SPON1: variants seen among roughly 807,000 people sequenced by gnomAD.
SPON1 encodes the protein spondin 1, also known as spondin-1.
A neutral mutation model predicts 111.7 loss-of-function variants in SPON1; 52 were observed. The observed-to-expected ratio is 0.47, with a 90% CI of 0.37 to 0.59. The LOEUF is 0.59. SPON1 is among the 20% of genes least tolerant of loss of function. The pLI is 0.00. For synonymous variants in SPON1, 410 were observed against 395.8 expected (o/e 1.04, Z -0.43); for missense variants, 957 against 1,068.5 (o/e 0.90, Z 1.46).
chr11:14,240,589 T>TTGTGTG (rs56265194), intron 6 of SPON1, among the ~76,000 whole-genome samples: 20,936 of 140,134 alleles, frequency 0.15, 1,606 homozygotes, highest in South Asian at 0.18. Context: ...AGAAGCAATA[T>TTGTGTG]TGTGTGTGTG....
intron 6 of SPON1, among the ~76,000 whole-genome samples, chr11:14,168,837 T>C (rs1451243325): frequency 6.6e-6 from 1 of 152,228 alleles, no homozygotes; most frequent in Non-Finnish European, 1.5e-5. Context: ...GAACTCATCC[T>C]TTTTTATGGC....
chr11:14,256,515 T>G (rs1299038261), intron 9 of SPON1, 102 bp from the exon 10 acceptor site: 2 of 767,606 alleles, frequency 2.6e-6, no homozygotes, highest in Non-Finnish European at 4.4e-6. Flanking sequence ...GCATACGATT[T>G]GTATACAGAA....
intron 1 of SPON1, 102 bp downstream of exon 1, chr11:13,963,244 G>A: frequency 1.1e-6 from 1 of 890,104 alleles, no homozygotes; most frequent in South Asian, 2.0e-5. Flanking sequence ...CGGGCGCGTG[G>A]CGCGGGTGCA....
intron 15 of SPON1, among the ~76,000 whole-genome samples, chr11:14,265,080 A>G (rs1272931477): frequency 1.3e-5 from 2 of 152,150 alleles, no homozygotes; most frequent in African/African-American, 2.4e-5. Context: ...TCATGTGGCT[A>G]CTACTAGCTG....
intron 6 of SPON1, among the ~76,000 whole-genome samples, chr11:14,145,984 C>T (rs782600417): frequency 6.6e-6 from 1 of 152,020 alleles, no homozygotes; most frequent in Non-Finnish European, 1.5e-5. Flanking sequence ...TGATTATATT[C>T]ATGTATAGGA....
At chr11:13,975,964 T>TACC (rs1164417273) in intron 1 of SPON1, among the ~76,000 whole-genome samples, 40 of 152,304 alleles carry the variant, frequency 2.6e-4, no homozygotes, top group African/African-American at 9.1e-4. Flanking sequence ...TCATAAATAC[T>TACC]ACCACCATCA....
intron 6 of SPON1, among the ~76,000 whole-genome samples, chr11:14,174,558 C>CA (rs1298023613): frequency 6.0e-5 from 9 of 150,682 alleles, no homozygotes; most frequent in African/African-American, 1.9e-4. Flanking sequence ...TTTTTTTCCC[C>CA]AAAATGGGGC....
At chr11:14,203,770 CA>C (rs782591292) in intron 6 of SPON1, among the ~76,000 whole-genome samples, 1 of 152,144 alleles carries the variant, frequency 6.6e-6, no homozygotes, top group Non-Finnish European at 1.5e-5. Context: ...TAGATACACA[CA>C]GGATACACCA....
chr11:14,214,670 A>C (rs982188485), intron 6 of SPON1, among the ~76,000 whole-genome samples: 7 of 152,220 alleles, frequency 4.6e-5, no homozygotes, highest in African/African-American at 1.7e-4. Flanking sequence ...CAGGCTAGAA[A>C]AATGGGAGGC....
chr11:14,082,382 G>T (rs1435641335), intron 5 of SPON1, among the ~76,000 whole-genome samples: 2 of 152,182 alleles, frequency 1.3e-5, no homozygotes, highest in Non-Finnish European at 2.9e-5. Flanking sequence ...GAAAAATTTG[G>T]TCACTTGTAC....
intron 15 of SPON1, among the ~76,000 whole-genome samples, chr11:14,263,759 TG>T (rs1485663522): frequency 6.6e-6 from 1 of 151,700 alleles, no homozygotes; most frequent in Admixed American, 6.6e-5. Flanking sequence ...CCGGGCACGG[TG>T]GCTCATGCCT....
intron 1 of SPON1, among the ~76,000 whole-genome samples, chr11:13,973,369 C>T (rs1424538881): frequency 6.6e-6 from 1 of 152,228 alleles, no homozygotes; most frequent in Admixed American, 6.5e-5. Context: ...GGGGGTCCCC[C>T]AGAGCTTCCT....
At chr11:14,067,951 C>T (rs1291206428) in intron 3 of SPON1, among the ~76,000 whole-genome samples, 2 of 152,202 alleles carry the variant, frequency 1.3e-5, no homozygotes, top group Non-Finnish European at 2.9e-5. Flanking sequence ...GCTTATTCAT[C>T]TTTGTATCTC....
Position 14,254,544 on chromosome 11 carries a change from G to C in SPON1, c.907G>C (p.Ala303Pro). The C allele has an allele frequency of 6.2e-7, 1 of 1,605,962 alleles. No homozygotes were observed. The highest frequency in any genetic ancestry group is 8.5e-7 in the Non-Finnish European group (1 of 1,175,544). ...CGTTTCCAGGAGAGCAGCACCTTCA[G>C]CTGAATTTTCCGTGGACAGAACGCG... The part of the protein sequence containing the change: ...QPLNVRAAPS[A>P]EFSVDRTRHL... Residue 303 changes from alanine (A) to proline (P), a missense_variant, in exon 8 of 16, where the codon GCT becomes CCT. Around this residue, in one of 5 missense-constraint regions of SPON1, gnomAD observed 122 missense variants for 143.2 expected, o/e 0.85. Coordinates refer to ENST00000576479, the MANE Select transcript of SPON1 (RefSeq NM_006108.4).
chr11:14,083,944 C>T lies in SPON1; in HGVS notation c.676+3923C>T, dbSNP rs149895491. On this transcript the variant is annotated intron_variant, in intron 5 of 15. Transcript: ENST00000576479. Reference sequence around the variant, plus strand: ...AATGATGTTTTATGAACATAAAAAGCGGCTAGTCCAGCTTGCACCTCAAAG... The same window carrying T: ...AATGATGTTTTATGAACATAAAAAGTGGCTAGTCCAGCTTGCACCTCAAAG... Among the ~76,000 whole-genome samples the T allele has an allele frequency of 5.0e-3, 758 of 152,172 alleles. 7 individuals carry two copies. Among genetic ancestry groups the T allele is most frequent in the Middle Eastern group, 6.8e-3 (2 of 294 alleles).
intron 5 of SPON1, among the ~76,000 whole-genome samples, chr11:14,106,748 G>A (rs1259105361): frequency 2.0e-5 from 3 of 152,182 alleles, no homozygotes; most frequent in Non-Finnish European, 1.5e-5. Context: ...TGGTAGCCCT[G>A]CAGTAAAGCT....
intron 5 of SPON1, among the ~76,000 whole-genome samples, chr11:14,126,995 A>G (rs1847467316): frequency 2.0e-5 from 3 of 152,106 alleles, no homozygotes; most frequent in Admixed American, 2.0e-4. Flanking sequence ...CATTCCTGTC[A>G]TCTCCACACC....
intron 6 of SPON1, among the ~76,000 whole-genome samples, chr11:14,138,810 G>A (rs1263399248): frequency 6.6e-6 from 1 of 152,248 alleles, no homozygotes; most frequent in Non-Finnish European, 1.5e-5. Context: ...CAAAGATGAT[G>A]CCCCTTTCAC....
chr11:13,997,273 A>G (rs1429892050), intron 2 of SPON1, among the ~76,000 whole-genome samples: 1 of 152,174 alleles, frequency 6.6e-6, no homozygotes, highest in East Asian at 1.9e-4. Context: ...AGGACCATGC[A>G]TCTAGCTTAG....
Sources: allele counts gnomAD v4.1 joint callset (sites outside exome capture counted in the v4.1 genomes callset), GRCh38; gene constraint gnomAD v4.1.1; regional missense constraint gnomAD v4.1.1; transcripts MANE v1.5; gene names NCBI Gene and HGNC (gene_info 2026-07-23, HGNC 2026-07-21).